The following GDAP2 variants were observed in gnomAD, a reference collection of about 807,000 sequenced individuals.
The protein encoded by GDAP2 is ganglioside-induced differentiation-associated protein 2.
GDAP2 carries 51 observed loss-of-function variants against 67.0 expected under a neutral mutation model. The observed-to-expected ratio is 0.76, with a 90% CI of 0.61 to 0.96. The LOEUF (loss-of-function observed/expected upper bound fraction) is 0.96, where lower values mean the gene tolerates loss of function less well. Among genes scored for constraint, GDAP2 ranks in the 40% least tolerant of loss-of-function variants. GDAP2 has a pLI of 0.00. For missense variants in GDAP2, 547 were observed against 588.3 expected (o/e 0.93, Z 0.73); for synonymous variants, 203 against 207.3 (o/e 0.98, Z 0.18).
chr1:117,891,293 A>G (rs1178207038), intron 8 of GDAP2, among the ~76,000 whole-genome samples: 1 of 151,608 alleles, frequency 6.6e-6, no homozygotes, highest in Non-Finnish European at 1.5e-5. Flanking sequence ...GCTCTTGAGT[A>G]GGTACCAATG....
Position 117,870,247 on chromosome 1 carries a change from T to C in GDAP2, c.*322A>G, listed in dbSNP as rs578033215. ...AGAGAGATGATGTGAACAGTCTTGG[T>C]GGTTTATCTAATGGAGAATTCGGTG... On this transcript the variant is annotated 3_prime_UTR_variant, in exon 14 of 14. Coordinates refer to ENST00000369443, the MANE Select transcript of GDAP2 (RefSeq NM_017686.4). 2 of 360,658 alleles carry C rather than the reference T, an allele frequency of 5.5e-6. No homozygotes were observed. Among genetic ancestry groups the C allele is most frequent in the South Asian group, 6.1e-5 (2 of 32,620 alleles). 22.3% of individuals were successfully genotyped at this position (360,658 alleles called of 1,614,324 possible).
rs1442150898 is a variant in GDAP2 at position 117,878,129 on chromosome 1, G to A, written c.1326C>T (p.Thr442=). The change falls in exon 13 of 14, where the codon ACC becomes ACT. Residue 442 remains threonine, a synonymous_variant. Transcript: ENST00000369443. ...TGTCCTTCAGTCCTGAGACAGAAAA[G>A]GTGGTAAAAAACCATGTTGACACCT... ...RSKVSTWFFT[T]FSVSGLKDKI... is the part of the protein sequence containing the mutation. 2.5e-6 allele frequency: 4 copies of A among 1,596,604 alleles called. No homozygotes were observed. The highest frequency in any genetic ancestry group is 2.6e-6 in the Non-Finnish European group (3 of 1,169,896).
At chr1:117,923,890 A>G (rs1199615459) in intron 1 of GDAP2, among the ~76,000 whole-genome samples, 2 of 152,188 alleles carry the variant, frequency 1.3e-5, no homozygotes, top group Admixed American at 1.3e-4. Context: ...TATATCTTAA[A>G]TCTCTTTTAA....
At chr1:117,925,519 T>A (rs1650415368) in intron 1 of GDAP2, among the ~76,000 whole-genome samples, 1 of 152,112 alleles carries the variant, frequency 6.6e-6, no homozygotes, top group South Asian at 2.1e-4. Context: ...ATTCCTCAAC[T>A]TTTGATGTAG....
Position 117,864,144 on chromosome 1 carries a change from T to C in GDAP2, c.*6425A>G, listed in dbSNP as rs559087002. The C allele has an allele frequency of 6.6e-6, 1 of 152,240 alleles. No homozygotes were observed. The allele number at this position is 152,240 out of a possible 1,614,324, so 9.4% of individuals were successfully genotyped here. On this transcript the variant is annotated 3_prime_UTR_variant, in exon 14 of 14. Transcript: ENST00000369443. ...GCCCATGAACTTACTATGAGAATTA[T>C]GCATTATTCATGTTGATGAAACATT...
rs17037724 is a variant in GDAP2, at chr1:117,883,379, T to G, written c.1247+109A>C. The G allele has an allele frequency of 4.9e-3, 3,812 of 780,314 alleles. 54 individuals carry two copies. Among genetic ancestry groups the G allele is most frequent in the East Asian group, 0.03 (1,140 of 38,322 alleles). The allele number at this position is 780,314 out of a possible 1,614,324, so 48.3% of individuals were successfully genotyped here. Reference sequence around the variant, plus strand: ...ATCTAATCTAGGTATGATAAAAGTCTTTGTTACATGAAATATCCTTTCACA... The same window carrying G: ...ATCTAATCTAGGTATGATAAAAGTCGTTGTTACATGAAATATCCTTTCACA... On this transcript the variant is annotated intron_variant, in intron 11 of 13. Transcript: ENST00000369443.
chr1:117,918,733 T>C lies in GDAP2; in HGVS notation c.180A>G (p.Lys60=), dbSNP rs1557810173. Reference sequence around the variant, plus strand: ...TACAGTTCAGTAATGCCACATCTCCTTTCCTGAAGAAACAATAAAGAATGA... The same window carrying C: ...TACAGTTCAGTAATGCCACATCTCCCTTCCTGAAGAAACAATAAAGAATGA... ...KDVNGKVVLW[K]GDVALLNCTA... is the part of the protein sequence containing the mutation. Residue 60 remains lysine, a synonymous_variant, in exon 3 of 14, where the codon AAA becomes AAG. Coordinates refer to ENST00000369443, the MANE Select transcript of GDAP2 (RefSeq NM_017686.4). The C allele has an allele frequency of 6.3e-7, 1 of 1,598,700 alleles. No individual in the cohort carries two copies. The highest frequency in any genetic ancestry group is 8.6e-7 in the Non-Finnish European group (1 of 1,167,742).
At chr1:117,928,673 G>A (rs1650554518) in intron 1 of GDAP2, among the ~76,000 whole-genome samples, 1 of 152,160 alleles carries the variant, frequency 6.6e-6, no homozygotes, top group South Asian at 2.1e-4. Flanking sequence ...TTAAGCTCAG[G>A]AAACTCTAAA....
chr1:117,927,375 CTT>C (rs1166723177), intron 1 of GDAP2, among the ~76,000 whole-genome samples: 1 of 151,964 alleles, frequency 6.6e-6, no homozygotes, highest in African/African-American at 2.4e-5. Context: ...TCAAAAAAAA[CTT>C]TTTTTCTGGA....
intron 8 of GDAP2, among the ~76,000 whole-genome samples, chr1:117,895,885 A>C (rs1649245421): frequency 6.6e-6 from 1 of 152,196 alleles, no homozygotes; most frequent in Admixed American, 6.5e-5. Flanking sequence ...AGCGTGAAAA[A>C]TGCTATGCTA....
chr1:117,910,282 T>C (rs529762391), intron 5 of GDAP2, among the ~76,000 whole-genome samples: 2 of 152,186 alleles, frequency 1.3e-5, no homozygotes, highest in African/African-American at 4.8e-5. Flanking sequence ...GACACCACAC[T>C]ACCTAAAACA....
chr1:117,872,334 T>C (rs1241469819), intron 13 of GDAP2, among the ~76,000 whole-genome samples: 2 of 152,184 alleles, frequency 1.3e-5, no homozygotes, highest in Non-Finnish European at 2.9e-5. Flanking sequence ...GCAATCCCAT[T>C]ACTGGGTATA....
chr1:117,887,859 G>T, intron 8 of GDAP2, 85 bp from the exon 9 acceptor site: 1 of 766,486 alleles, frequency 1.3e-6, no homozygotes, highest in Non-Finnish European at 2.2e-6. Flanking sequence ...ACCCTTCCCT[G>T]ACCCTAAAAA....
chr1:117,920,051 T>C, intron 2 of GDAP2, 131 bp downstream of exon 2: 1 of 535,318 alleles, frequency 1.9e-6, no homozygotes, highest in Non-Finnish European at 3.4e-6. Context: ...TAAATGTCAA[T>C]TATACCTCAA....
chr1:117,912,228 A>T, intron 4 of GDAP2, 146 bp from the exon 5 acceptor site: 1 of 633,238 alleles, frequency 1.6e-6, no homozygotes, highest in Admixed American at 2.7e-5. Context: ...CAACTGTACC[A>T]CTCAATAATT....
At chr1:117,870,673 A>G (rs1648228081) in intron 13 of GDAP2, 57 bp from the exon 14 acceptor site, 1 of 1,180,996 alleles carries the variant, frequency 8.5e-7, no homozygotes, top group African/African-American at 1.5e-5. Flanking sequence ...TTAACTGGAA[A>G]TGTGAAAAAA....
At chr1:117,919,974 T>A (rs912982957) in intron 2 of GDAP2, among the ~76,000 whole-genome samples, 1 of 152,186 alleles carries the variant, frequency 6.6e-6, no homozygotes, top group African/African-American at 2.4e-5. Context: ...TTGACTGTGG[T>A]AATGGCTTCA....
intron 8 of GDAP2, among the ~76,000 whole-genome samples, chr1:117,891,809 G>A (rs72697544): frequency 0.03 from 4,544 of 152,084 alleles, 82 homozygotes; most frequent in Middle Eastern, 0.062. Context: ...TTTCTCTAAG[G>A]TTTGAAGGAT....
At chr1:117,928,800 C>T (rs900868280) in intron 1 of GDAP2, among the ~76,000 whole-genome samples, 1 of 152,192 alleles carries the variant, frequency 6.6e-6, no homozygotes, top group Non-Finnish European at 1.5e-5. Context: ...TTTTGCACAG[C>T]TCTAGACATC....
Sources: gnomAD v4.1 joint callset for allele counts (sites outside exome capture counted in the v4.1 genomes callset) on GRCh38, gnomAD v4.1.1 for gene constraint, MANE v1.5 for transcripts, NCBI Gene and HGNC (gene_info 2026-07-23, HGNC 2026-07-21) for gene names.